The following ZFPM2 variants were observed in gnomAD, a reference collection of about 807,000 sequenced individuals.
ZFPM2 encodes the protein zinc finger protein ZFPM2.
A neutral mutation model predicts 98.6 loss-of-function variants in ZFPM2; 20 were observed. The ratio of observed to expected loss-of-function variants is 0.20; its 90% CI spans 0.14 to 0.29. ZFPM2 has a LOEUF of 0.29. Ranked by LOEUF, ZFPM2 falls within the 10% of genes least tolerant of loss-of-function variation. The pLI, the probability that ZFPM2 is intolerant of heterozygous loss-of-function variation, is 1.00. For synonymous variants in ZFPM2, 518 were observed against 502.7 expected (o/e 1.03, Z -0.41); for missense variants, 1,310 against 1,388.6 (o/e 0.94, Z 0.90).
At chr8:105,626,268 C>T (rs568182223) in intron 4 of ZFPM2, among the ~76,000 whole-genome samples, 2 of 152,226 alleles carry the variant, frequency 1.3e-5, no homozygotes, top group East Asian at 1.9e-4. Flanking sequence ...ATATTTTCCC[C>T]AGTCTTAAGT....
chr8:105,626,984 T>G (rs1816669812), intron 4 of ZFPM2, among the ~76,000 whole-genome samples: 1 of 152,216 alleles, frequency 6.6e-6, no homozygotes, highest in African/African-American at 2.4e-5. Context: ...GGGAAGATTT[T>G]CCTATGACTT....
chr8:105,671,654 T>C (rs1261229390), intron 5 of ZFPM2, among the ~76,000 whole-genome samples: 3 of 151,992 alleles, frequency 2.0e-5, no homozygotes, highest in African/African-American at 7.2e-5. Flanking sequence ...AATAGGTGGT[T>C]TTTTTTTACT....
At chr8:105,578,361 AATCAGTTACT>A (rs1249180522) in intron 4 of ZFPM2, among the ~76,000 whole-genome samples, 32 of 152,070 alleles carry the variant, frequency 2.1e-4, no homozygotes, top group African/African-American at 7.5e-4. Flanking sequence ...TATTTTAGCT[AATCAGTTACT>A]ACAATCTGAT....
intron 4 of ZFPM2, among the ~76,000 whole-genome samples, chr8:105,628,685 G>A (rs550108461): frequency 9.2e-5 from 14 of 152,176 alleles, no homozygotes; most frequent in South Asian, 8.3e-4. Flanking sequence ...AGAGACGGTC[G>A]GACTTCAGGG....
intron 4 of ZFPM2, among the ~76,000 whole-genome samples, chr8:105,584,442 G>A (rs1036246040): frequency 1.2e-4 from 18 of 152,132 alleles, no homozygotes; most frequent in Non-Finnish European, 2.2e-4. Flanking sequence ...GATGAGTAGG[G>A]GGTTTAGGCC....
chr8:105,777,609 G>GAA (rs1032445704), intron 5 of ZFPM2, among the ~76,000 whole-genome samples: 62 of 152,164 alleles, frequency 4.1e-4, no homozygotes, highest in African/African-American at 1.4e-3. Context: ...TAGTACAAAT[G>GAA]AAAAAAGTTA....
intron 5 of ZFPM2, among the ~76,000 whole-genome samples, chr8:105,780,000 G>A (rs183244199): frequency 9.2e-5 from 14 of 152,294 alleles, no homozygotes; most frequent in African/African-American, 2.6e-4. Flanking sequence ...GTTAGAAACC[G>A]TATCTGGTTG....
At chr8:105,561,325 A>G (rs1400877099) in intron 3 of ZFPM2, 38 bp from the exon 4 acceptor site, 2 of 1,524,118 alleles carry the variant, frequency 1.3e-6, no homozygotes, top group Non-Finnish European at 1.8e-6. Flanking sequence ...ATAAAGTACA[A>G]GTAAGTATTC....
At chr8:105,663,836 T>A (rs1298513133) in intron 5 of ZFPM2, among the ~76,000 whole-genome samples, 2 of 152,216 alleles carry the variant, frequency 1.3e-5, no homozygotes, top group Non-Finnish European at 2.9e-5. Flanking sequence ...TCTCTGTCAT[T>A]GTGATTTGTT....
rs145379469 is a variant in ZFPM2 at position 105,643,546 on chromosome 8, T to C, written c.532+9189T>C. Among the ~76,000 whole-genome samples the C allele has an allele frequency of 2.0e-5, 3 of 152,256 alleles. No individual in the cohort carries two copies. The East Asian group carries it at 5.8e-4, about 29-fold the overall frequency. ...AGTATTTGTGAAGTACCTAGAATAG[T>C]GTCTGGTCCACAATGAGTACTATAT... On this transcript the variant is annotated intron_variant, in intron 5 of 7. Transcript: ENST00000407775.
chr8:105,503,861 T>G (rs1813645148), intron 3 of ZFPM2, among the ~76,000 whole-genome samples: 3 of 152,224 alleles, frequency 2.0e-5, no homozygotes, highest in Non-Finnish European at 4.4e-5. Context: ...TTGAAATGAT[T>G]GAATGATGAA....
At chr8:105,763,421 C>A (rs747379699) in intron 5 of ZFPM2, among the ~76,000 whole-genome samples, 1 of 151,806 alleles carries the variant, frequency 6.6e-6, no homozygotes, top group Non-Finnish European at 1.5e-5. Context: ...AGGGCCAATA[C>A]CTTCTGGGAC....
At chr8:105,754,896 T>C (rs1340823686) in intron 5 of ZFPM2, among the ~76,000 whole-genome samples, 3 of 151,932 alleles carry the variant, frequency 2.0e-5, no homozygotes, top group Non-Finnish European at 2.9e-5. Context: ...AGATATGACC[T>C]TAAATGTGTC....
chr8:105,655,896 C>A (rs1817276059), intron 5 of ZFPM2, among the ~76,000 whole-genome samples: 1 of 152,248 alleles, frequency 6.6e-6, no homozygotes, highest in African/African-American at 2.4e-5. Flanking sequence ...ATAAAGCTAA[C>A]AAATGGCACA....
intron 3 of ZFPM2, among the ~76,000 whole-genome samples, chr8:105,509,718 C>T (rs1813776689): frequency 6.6e-6 from 1 of 151,992 alleles, no homozygotes; most frequent in Admixed American, 6.6e-5. Flanking sequence ...TCTCTGTTCT[C>T]TCCTCACTTT....
At chr8:105,517,707 C>CCA (rs1554613621) in intron 3 of ZFPM2, among the ~76,000 whole-genome samples, 5,048 of 124,948 alleles carry the variant, frequency 0.04, 133 homozygotes, top group Non-Finnish European at 0.06. Flanking sequence ...CACACACACA[C>CCA]CACACACACA....
At chr8:105,787,412 A>G (rs370646451) in intron 5 of ZFPM2, 22 of 152,172 alleles carry the variant, frequency 1.4e-4, no homozygotes, top group African/African-American at 5.1e-4. Flanking sequence ...TTTTTTAACA[A>G]TCATATACTC....
chr8:105,356,352 AT>A (rs1480243816), intron 1 of ZFPM2, among the ~76,000 whole-genome samples: 1 of 152,212 alleles, frequency 6.6e-6, no homozygotes, highest in African/African-American at 2.4e-5. Context: ...CACCTAACAC[AT>A]TGGCTTGTAC....
chr8:105,662,834 C>T (rs1252461614), intron 5 of ZFPM2: 1 of 152,092 alleles, frequency 6.6e-6, no homozygotes, highest in African/African-American at 2.4e-5. Flanking sequence ...GCTGTCCCTT[C>T]TGATGCCGTC....
Sources: gnomAD v4.1 joint callset for allele counts (sites outside exome capture counted in the v4.1 genomes callset) on GRCh38, gnomAD v4.1.1 for gene constraint, MANE v1.5 for transcripts, NCBI Gene and HGNC (gene_info 2026-07-23, HGNC 2026-07-21) for gene names.